ZNF275: variants seen among roughly 807,000 people sequenced by gnomAD.
The protein encoded by ZNF275 is zinc finger protein 275.
A neutral mutation model predicts 4.3 loss-of-function variants in ZNF275; 4 were observed. That is an observed-to-expected ratio of 0.93 (90% CI 0.46 to 2.13). The LOEUF (loss-of-function observed/expected upper bound fraction) is 2.13, where lower values mean the gene tolerates loss of function less well. Ranked by LOEUF, ZNF275 falls within the 30% of genes most tolerant of loss-of-function variation. The pLI is 0.02. For synonymous variants in ZNF275, 173 were observed against 166.9 expected (o/e 1.04, Z -0.28); for missense variants, 352 against 397.1 (o/e 0.89, Z 0.97).
At position 153,352,280 on chromosome X, in the gene ZNF275, C is replaced by T. The variant is rs1305998528; in HGVS notation, c.*4305C>T. On this transcript the variant is annotated 3_prime_UTR_variant, in exon 4 of 4. Coordinates refer to ENST00000650114, the MANE Select transcript of ZNF275 (RefSeq NM_001367757.1). ...CCACTTGGCTGCTTCCTGGCCAAGT[C>T]GCACCTGACTGCATGAACACCTGTT... 8.9e-6 allele frequency: 1 copy of T among 111,881 alleles called. No individual in the cohort carries two copies. Among genetic ancestry groups the T allele is most frequent in the Non-Finnish European group, 1.9e-5 (1 of 53,186 alleles). The allele number at this position is 111,881 out of a possible 1,213,427, so 9.2% of individuals were successfully genotyped here. A position where few individuals can be genotyped will look rare whatever the true frequency, so the allele number is the denominator to read the frequency against.
In ZNF275 at chrX:153,347,676, C is replaced by T. The variant is rs782671461; in HGVS notation, c.991C>T (p.Arg331Cys). The change falls in exon 4 of 4, where the codon CGC becomes TGC. Residue 331 changes from arginine (R) to cysteine (C), a missense_variant. Coordinates refer to ENST00000650114, the MANE Select transcript of ZNF275 (RefSeq NM_001367757.1). ...CTGCGGCCAGTGCGGCAAGGCCTTC[C>T]GCCAGAGCTCCAGCCTCCTGGAGCA... ...YACGQCGKAF[R>C]QSSSLLEHAR... 8.3e-7 allele frequency: 1 copy of T among 1,206,672 alleles called. No individual in the cohort carries two copies. Among genetic ancestry groups the T allele is most frequent in the Non-Finnish European group, 1.1e-6 (1 of 892,743 alleles).
chrX:153,347,595 AGGAGCTC>A lies in ZNF275; in HGVS notation c.918_924del (p.Glu307ProfsTer66). The A allele has an allele frequency of 8.4e-7, 1 of 1,195,023 alleles. No individual in the cohort carries two copies. On this transcript the variant is annotated frameshift_variant, in exon 4 of 4. Transcript: ENST00000650114. LOFTEE classifies it low-confidence loss of function (END_TRUNC). ...TCCCCACTGCGGCAAGCTCTTCCGA[AGGAGCTC>A]GGAGCTCACCAAGCACCGGCGGATC...
In ZNF275 at chrX:153,346,812, G is replaced by A. The variant is rs782196762; in HGVS notation, c.134-7G>A. On this transcript the variant is annotated splice_polypyrimidine_tract_variant and splice_region_variant and intron_variant, in intron 3 of 3. Transcript: ENST00000650114. ...CAGACTACACTGCCTTGTGTTTATC[G>A]TTTCAGAAAGCACCTCCGCGACCCG... 1.1e-5 allele frequency: 13 copies of A among 1,181,433 alleles called. No individual in the cohort carries two copies. The highest frequency in any genetic ancestry group is 9.7e-5 in the South Asian group (5 of 51,721).
intron 3 of ZNF275, 58 bp downstream of exon 3, chrX:153,345,679 C>T: frequency 3.0e-6 from 3 of 1,014,130 alleles, no homozygotes; most frequent in East Asian, 3.1e-5. Flanking sequence ...TGCTATGGGG[C>T]ATGGGTTAGG....
intron 2 of ZNF275, 133 bp from the exon 3 acceptor site, chrX:153,345,387 A>G (rs1404429458): frequency 6.5e-6 from 3 of 464,159 alleles, no homozygotes; most frequent in Non-Finnish European, 1.1e-5. Flanking sequence ...TTTGAACTGA[A>G]TGAATGACTT....
intron 2 of ZNF275, chrX:153,343,610 C>T (rs1322008968): frequency 1.9e-5 from 5 of 259,313 alleles, no homozygotes; most frequent in African/African-American, 5.7e-5. Context: ...TTGCTGTCAC[C>T]GGGCTCCTTG....
intron 2 of ZNF275, 120 bp from the exon 3 acceptor site, chrX:153,345,400 C>T: frequency 2.0e-6 from 1 of 505,235 alleles, no homozygotes; most frequent in Admixed American, 3.1e-5. Context: ...AATGACTTGC[C>T]TAAAGCCTGG....
chrX:153,337,953 G>A (rs1556960725), intron 2 of ZNF275, among the ~76,000 whole-genome samples: 1 of 112,000 alleles, frequency 8.9e-6, no homozygotes, highest in African/African-American at 3.3e-5. Flanking sequence ...GTGAGTGAAA[G>A]TGCCTCACTT....
Position 153,346,891 on chromosome X carries a change from T to C in ZNF275, c.206T>C (p.Phe69Ser). Residue 69 changes from phenylalanine to serine, a missense_variant, in exon 4 of 4, where the codon TTC (phenylalanine) becomes TCC (serine). Transcript: ENST00000650114. ...AQPQEMASTSFPRASGPSPEF... is the reference protein window; with the variant it reads ...AQPQEMASTSSPRASGPSPEF... ...CCACAGGAGATGGCGTCCACAAGCT[T>C]CCCAAGGGCCAGTGGTCCCAGTCCT... is the stretch of plus-strand genomic sequence containing the variant. The C allele has an allele frequency of 8.3e-7, 1 of 1,210,053 alleles. No homozygotes were observed. Among genetic ancestry groups the C allele is most frequent in the East Asian group, 3.0e-5 (1 of 33,780 alleles).
At position 153,351,868 on chromosome X, in the gene ZNF275, T is replaced by C. The variant is rs2088558659; in HGVS notation, c.*3893T>C. On this transcript the variant is annotated 3_prime_UTR_variant, in exon 4 of 4. Coordinates refer to ENST00000650114, the MANE Select transcript of ZNF275 (RefSeq NM_001367757.1). Reference sequence around the variant, plus strand: ...ACAGCGCCTGCCCTACCTGCAGCCCTGGGTTGTGGCCCTGTTGCGTACCAT... The same window carrying C: ...ACAGCGCCTGCCCTACCTGCAGCCCCGGGTTGTGGCCCTGTTGCGTACCAT... 1 of 111,718 alleles carries C rather than the reference T, an allele frequency of 9.0e-6. No individual in the cohort carries two copies. The highest frequency in any genetic ancestry group is 1.9e-5 in the Non-Finnish European group (1 of 53,209). The allele number at this position is 111,718 out of a possible 1,213,427, so 9.2% of individuals were successfully genotyped here.
At position 153,335,920 on chromosome X, in the gene ZNF275, G is replaced by A. The variant is rs369502066; in HGVS notation, c.-46-714G>A. ...TCCAGCCCTTACCCAAACCTGCCTGGGCTCCTTGGATGGCCCTGGGCTCTT... is the reference window on the plus strand; with the variant it reads ...TCCAGCCCTTACCCAAACCTGCCTGAGCTCCTTGGATGGCCCTGGGCTCTT... On this transcript the variant is annotated intron_variant, in intron 1 of 3. Transcript: ENST00000650114. Among the ~76,000 whole-genome samples the A allele has an allele frequency of 7.2e-5, 8 of 111,447 alleles. No homozygotes were observed. In the East Asian group the frequency reaches 1.1e-3, roughly 16 times the overall value.
At chrX:153,339,879 A>G (rs987214106) in intron 2 of ZNF275, among the ~76,000 whole-genome samples, 6 of 111,452 alleles carry the variant, frequency 5.4e-5, no homozygotes, top group Non-Finnish European at 7.5e-5. Context: ...GGGCATTGTC[A>G]GAAGGCTAAG....
chrX:153,334,623 A>G (rs1490517730), intron 1 of ZNF275, among the ~76,000 whole-genome samples: 1 of 110,294 alleles, frequency 9.1e-6, no homozygotes, highest in Non-Finnish European at 1.9e-5. Flanking sequence ...GAATCGCTAA[A>G]GTGTAGAGGC....
chrX:153,347,902 A>G lies in ZNF275; in HGVS notation c.1217A>G (p.Glu406Gly). The change falls in exon 4 of 4, where the codon GAA (glutamate) becomes GGA (glycine). Residue 406 changes from glutamate (E) to glycine (G), a missense_variant. Glu to Gly is a moderately conservative substitution (Grantham distance 98, BLOSUM62 -2). Coordinates refer to ENST00000650114, the MANE Select transcript of ZNF275 (RefSeq NM_001367757.1). ...RRIHSGARRC[E>G]CSQCGRVFKR... ...ATCCACAGTGGGGCGCGGCGCTGCG[A>G]ATGCAGCCAGTGTGGCCGCGTGTTC... The G allele has an allele frequency of 8.4e-7, 1 of 1,183,892 alleles. No homozygotes were observed. The highest frequency in any genetic ancestry group is 1.1e-6 in the Non-Finnish European group (1 of 880,303).
In ZNF275 at chrX:153,347,703, G is replaced by T. The variant is rs782659392; in HGVS notation, c.1018G>T (p.Ala340Ser). The T allele has an allele frequency of 1.1e-4, 129 of 1,207,698 alleles. 2 individuals are homozygous for T. The South Asian group carries it at 2.1e-3, about 20-fold the overall frequency. Residue 340 changes from alanine to serine, a missense_variant, in exon 4 of 4, where the codon GCA becomes TCA. Transcript: ENST00000650114. ...FRQSSSLLEHARIHSGERPYA... is the reference protein window; with the variant it reads ...FRQSSSLLEHSRIHSGERPYA... ...CCAGAGCTCCAGCCTCCTGGAGCAC[G>T]CACGCATCCACAGTGGCGAGCGGCC... is the stretch of plus-strand genomic sequence containing the variant.
At chrX:153,339,160 G>T (rs942568607) in intron 2 of ZNF275, among the ~76,000 whole-genome samples, 2 of 111,189 alleles carry the variant, frequency 1.8e-5, no homozygotes, top group Non-Finnish European at 3.8e-5. Flanking sequence ...AATTTATCAC[G>T]TACCCACTCA....
rs2088518907 is a variant in ZNF275, at chrX:153,346,816, C to T, written c.134-3C>T. ...CTACACTGCCTTGTGTTTATCGTTTCAGAAAGCACCTCCGCGACCCGACAC... is the reference window on the plus strand; with the variant it reads ...CTACACTGCCTTGTGTTTATCGTTTTAGAAAGCACCTCCGCGACCCGACAC... On this transcript the variant is annotated splice_polypyrimidine_tract_variant and splice_region_variant and intron_variant, in intron 3 of 3. Transcript: ENST00000650114. The T allele has an allele frequency of 3.4e-6, 4 of 1,184,860 alleles. No homozygotes were observed. Among genetic ancestry groups the T allele is most frequent in the African/African-American group, 1.8e-5 (1 of 57,095 alleles).
Position 153,347,464 on chromosome X carries a change from C to T in ZNF275, c.779C>T (p.Thr260Ile). 8.3e-7 allele frequency: 1 copy of T among 1,208,037 alleles called. No individual in the cohort carries two copies. Among genetic ancestry groups the T allele is most frequent in the East Asian group, 3.0e-5 (1 of 33,807 alleles). The change falls in exon 4 of 4, where the codon ACT (threonine) becomes ATT (isoleucine). Residue 260 changes from threonine (T) to isoleucine (I), a missense_variant. Transcript: ENST00000650114. ...CTTCTCAAGCACCAGCGCATGCACA[C>T]TGGCCACCTGCCCTTCGACTGCGAC... ...QELLKHQRMHTGHLPFDCDDC... is the reference protein window; with the variant it reads ...QELLKHQRMHIGHLPFDCDDC...
intron 2 of ZNF275, among the ~76,000 whole-genome samples, chrX:153,338,775 G>A (rs1413536554): frequency 7.4e-5 from 8 of 107,860 alleles, no homozygotes; most frequent in Admixed American, 6.0e-4. Context: ...GTTGTGCAGT[G>A]AGGGCATGTT....
Sources: gnomAD v4.1 joint callset for allele counts (sites outside exome capture counted in the v4.1 genomes callset) on GRCh38, gnomAD v4.1.1 for gene constraint, MANE v1.5 for transcripts, NCBI Gene and HGNC (gene_info 2026-07-23, HGNC 2026-07-21) for gene names.